Variants in DLG3 observed in about 807,000 individuals in gnomAD.
The protein encoded by DLG3 is discs large MAGUK scaffold protein 3, also known as disks large homolog 3.
Under a neutral mutation model 64.1 loss-of-function variants are expected in DLG3, and 1 was observed. The observed-to-expected ratio is 0.02, with a 90% CI of 0.01 to 0.07. DLG3 has a LOEUF of 0.07. Ranked by LOEUF, DLG3 falls within the 10% of genes least tolerant of loss-of-function variation. DLG3 has a pLI of 1.00. For synonymous variants in DLG3, 245 were observed against 259.8 expected, an observed-to-expected ratio of 0.94 and a Z score of 0.55; for missense variants, 429 against 669.5, an observed-to-expected ratio of 0.64 and a Z score of 3.96.
At chrX:70,496,877 G>A (rs4844122) in intron 13 of DLG3, among the ~76,000 whole-genome samples, 16 of 111,781 alleles carry the variant, frequency 1.4e-4, no homozygotes, top group African/African-American at 4.9e-4. Flanking sequence ...TTTGAAATAC[G>A]ATTTGGAAAC....
Position 70,490,974 on chromosome X carries a change from G to A in DLG3, c.1521-1133G>A, listed in dbSNP as rs144402454. On this transcript the variant is annotated intron_variant, in intron 10 of 18. Transcript: ENST00000374360. ...GTCGCTTAGGCTGGGGTGCAGTGTC[G>A]TAATCTTGGCTCACTGTAACCTCCA... is the stretch of plus-strand genomic sequence containing the variant. Among the ~76,000 whole-genome samples, 188 of 109,027 alleles carry A rather than the reference G, an allele frequency of 1.7e-3. 1 individual carries two copies. The highest frequency in any genetic ancestry group is 5.2e-3 in the East Asian group (18 of 3,474). The allele number at this position is 109,027 out of a possible 115,157, so 94.7% of individuals were successfully genotyped here.
chrX:70,452,444 C>T, intron 7 of DLG3: 1 of 956,399 alleles, frequency 1.0e-6, no homozygotes, highest in Non-Finnish European at 1.3e-6. Context: ...GTGGCCTCGC[C>T]GGCAACGGCC....
intron 8 of DLG3, 93 bp from the exon 9 acceptor site, chrX:70,454,120 AG>A (rs1343689213): frequency 2.6e-6 from 2 of 770,517 alleles, no homozygotes; most frequent in Non-Finnish European, 3.9e-6. Context: ...AAACAGGCTT[AG>A]GGGTGGGGTA....
chrX:70,445,138 C>CGGCGGT lies in DLG3; in HGVS notation c.-58_-53dup, dbSNP rs2086551897. On this transcript the variant is annotated 5_prime_UTR_variant, in exon 1 of 19. Transcript: ENST00000374360. ...CCGGCGGCGGCGGCGGCGGTGGTGGCGGCGGTGGCGGCGGCGTGGAATCCG... is the reference window on the plus strand; with the variant it reads ...CCGGCGGCGGCGGCGGCGGTGGTGGCGGCGGTGGCGGTGGCGGCGGCGTGGAATCCG... 2 of 918,910 alleles carry CGGCGGT rather than the reference C, an allele frequency of 2.2e-6. No homozygotes were observed. The highest frequency in any genetic ancestry group is 1.5e-6 in the Non-Finnish European group (1 of 682,455). The allele number at this position is 918,910 out of a possible 1,213,427, so 75.7% of individuals were successfully genotyped here. A position where few individuals can be genotyped will look rare whatever the true frequency, so the allele number is the denominator to read the frequency against.
At chrX:70,455,192 C>G in intron 9 of DLG3, 1 of 754,388 alleles carries the variant, frequency 1.3e-6, no homozygotes, top group Non-Finnish European at 1.6e-6. Context: ...CGTGGTCTCC[C>G]GCGCGGGACG....
At chrX:70,499,827 G>T in intron 15 of DLG3, 50 bp from the exon 16 acceptor site, 1 of 1,166,458 alleles carries the variant, frequency 8.6e-7, no homozygotes, top group Non-Finnish European at 1.2e-6. Flanking sequence ...TTTTTGGTTT[G>T]GGGCGGATCA....
At chrX:70,479,373 T>C in intron 10 of DLG3, 109 bp downstream of exon 10, 1 of 606,274 alleles carries the variant, frequency 1.6e-6, no homozygotes. Flanking sequence ...CTCCCAGTTC[T>C]AAAATAACGC....
intron 4 of DLG3, 78 bp from the exon 5 acceptor site, chrX:70,450,091 G>A: frequency 8.6e-7 from 1 of 1,165,172 alleles, no homozygotes; most frequent in Non-Finnish European, 1.2e-6. Flanking sequence ...GGCTGGGGGA[G>A]GGGGTTTGGA....
At chrX:70,488,760 C>A (rs1365003586) in intron 10 of DLG3, among the ~76,000 whole-genome samples, 1 of 112,300 alleles carries the variant, frequency 8.9e-6, no homozygotes, top group Non-Finnish European at 1.9e-5. Context: ...TTTCTATTTG[C>A]AGTTCTGATT....
At chrX:70,453,546 A>T in intron 7 of DLG3, 91 bp from the exon 8 acceptor site, 1 of 1,151,964 alleles carries the variant, frequency 8.7e-7, no homozygotes, top group Non-Finnish European at 1.2e-6. Context: ...CTTACTCCCT[A>T]CAGCAAGTAT....
chrX:70,446,192 G>C (rs1170512185), intron 1 of DLG3, among the ~76,000 whole-genome samples: 1 of 111,196 alleles, frequency 9.0e-6, no homozygotes, highest in Non-Finnish European at 1.9e-5. Flanking sequence ...GTGTTTGTGT[G>C]TGTGGCTACA....
At chrX:70,449,337 GC>G in intron 2 of DLG3, 21 bp from the exon 3 acceptor site, 1 of 1,211,465 alleles carries the variant, frequency 8.3e-7, no homozygotes. Flanking sequence ...AACAGACTGT[GC>G]CTTTCCACCC....
chrX:70,446,503 G>A (rs977865667), intron 1 of DLG3, among the ~76,000 whole-genome samples: 3 of 112,441 alleles, frequency 2.7e-5, no homozygotes, highest in South Asian at 3.7e-4. Flanking sequence ...GCCTGGAGCC[G>A]GCAAGGGGCA....
chrX:70,491,388 TC>T (rs1195848067), intron 10 of DLG3, among the ~76,000 whole-genome samples: 1 of 112,588 alleles, frequency 8.9e-6, no homozygotes, highest in Non-Finnish European at 1.9e-5. Flanking sequence ...TATAGCTCCC[TC>T]CCCACCTTCT....
chrX:70,460,946 A>T (rs1417255687), intron 9 of DLG3, among the ~76,000 whole-genome samples: 3 of 112,362 alleles, frequency 2.7e-5, no homozygotes, highest in African/African-American at 9.7e-5. Context: ...CATTATATGG[A>T]TATACCACGT....
chrX:70,493,278 G>A (rs1163819184), intron 12 of DLG3: 14 of 692,937 alleles, frequency 2.0e-5, no homozygotes, highest in Non-Finnish European at 2.9e-5. Context: ...TTAGCTCACC[G>A]TTGTCTCCAT....
At position 70,445,151 on chromosome X, in the gene DLG3, G is replaced by A. The variant is rs1310971879; in HGVS notation, c.-51G>A. ...CGGCGGTGGTGGCGGCGGTGGCGGCGGCGTGGAATCCGGCGTGGGCTGGGG... is the reference window on the plus strand; with the variant it reads ...CGGCGGTGGTGGCGGCGGTGGCGGCAGCGTGGAATCCGGCGTGGGCTGGGG... On this transcript the variant is annotated 5_prime_UTR_variant, in exon 1 of 19. Coordinates refer to ENST00000374360, the MANE Select transcript of DLG3 (RefSeq NM_021120.4). 3 of 1,011,697 alleles carry A rather than the reference G, an allele frequency of 3.0e-6. No individual in the cohort carries two copies. Among genetic ancestry groups the A allele is most frequent in the East Asian group, 7.1e-5 (2 of 28,300 alleles). 83.4% of individuals were successfully genotyped at this position (1,011,697 alleles called of 1,213,427 possible). A position where few individuals can be genotyped will look rare whatever the true frequency, so the allele number is the denominator to read the frequency against.
At chrX:70,470,474 G>A (rs1050093590) in intron 9 of DLG3, among the ~76,000 whole-genome samples, 20 of 111,566 alleles carry the variant, frequency 1.8e-4, no homozygotes, top group Admixed American at 9.6e-5. Flanking sequence ...CCAGTGGTCC[G>A]CCCACCTCGG....
intron 10 of DLG3, among the ~76,000 whole-genome samples, chrX:70,479,939 T>A (rs375859122): frequency 8.9e-6 from 1 of 112,021 alleles, no homozygotes; most frequent in Non-Finnish European, 1.9e-5. Context: ...CATAGCTTAA[T>A]ACTTTGTCAG....
Sources: gnomAD v4.1 joint callset for allele counts (sites outside exome capture counted in the v4.1 genomes callset) on GRCh38, gnomAD v4.1.1 for gene constraint, MANE v1.5 for transcripts, NCBI Gene and HGNC (gene_info 2026-07-23, HGNC 2026-07-21) for gene names.